Variants in SURF4 observed in about 807,000 individuals in gnomAD.
SURF4 encodes surfeit 4, also known as surfeit locus protein 4.
SURF4 carries 3 observed loss-of-function variants against 30.0 expected under a neutral mutation model. That is an observed-to-expected ratio of 0.10 (90% confidence interval 0.05 to 0.26). The LOEUF (loss-of-function observed/expected upper bound fraction) is 0.26. Among genes scored for constraint, SURF4 ranks in the 10% least tolerant of loss-of-function variants. The pLI, the probability that SURF4 is intolerant of heterozygous loss-of-function variation, is 1.00. For missense variants in SURF4, 217 were observed against 350.8 expected (o/e 0.62, Z 3.05); for synonymous variants, 143 against 139.9 (o/e 1.02, Z -0.16).
intron 1 of SURF4, among the ~76,000 whole-genome samples, chr9:133,369,963 A>C (rs1837403704): frequency 6.6e-6 from 1 of 152,216 alleles, no homozygotes; most frequent in Non-Finnish European, 1.5e-5. Context: ...GTGGACCCCA[A>C]CAGCAGCAGA....
chr9:133,363,954 A>G lies in SURF4; in HGVS notation c.544-195T>C, dbSNP rs587658898. The G allele has an allele frequency of 9.4e-6, 7 of 747,808 alleles. No individual in the cohort carries two copies. The highest frequency in any genetic ancestry group is 1.7e-5 in the Non-Finnish European group (7 of 414,366). 46.3% of individuals were successfully genotyped at this position (747,808 alleles called of 1,614,324 possible). A position where few individuals can be genotyped will look rare whatever the true frequency, so the allele number is the denominator to read the frequency against. On this transcript the variant is annotated intron_variant, in intron 5 of 5. Transcript: ENST00000371989. This position sits in a 1 kb window ranked among gnomAD's most constrained non-coding sequence, Gnocchi z 4.3. ...AGGAGGCAATAAAGCACCAGCTTTG[A>G]AATGTGGAAGGTTTGGGGAAGACTG...
intron 1 of SURF4, among the ~76,000 whole-genome samples, chr9:133,374,845 G>A (rs1288861020): frequency 1.3e-5 from 2 of 151,902 alleles, no homozygotes; most frequent in Non-Finnish European, 2.9e-5. Context: ...CTTCCGATAA[G>A]TCTAGGCCTC....
intron 1 of SURF4, among the ~76,000 whole-genome samples, chr9:133,375,028 G>C (rs1465403171): frequency 1.3e-5 from 2 of 152,216 alleles, no homozygotes; most frequent in Non-Finnish European, 2.9e-5. Flanking sequence ...GACATAACGG[G>C]ATTCTTTTAG....
In SURF4 at chr9:133,365,896, T is replaced by C. The variant is rs2130121151; in HGVS notation, c.356+89A>G. ...GAGCGTCATGTTGGTGCCCAAGATTTTTCCCATTTTGGAGCATTTCAGACT... is the reference window on the plus strand; with the variant it reads ...GAGCGTCATGTTGGTGCCCAAGATTCTTCCCATTTTGGAGCATTTCAGACT... On this transcript the variant is annotated intron_variant, in intron 4 of 5. Coordinates refer to ENST00000371989, the MANE Select transcript of SURF4 (RefSeq NM_033161.4). 3.4e-5 allele frequency: 46 copies of C among 1,367,166 alleles called. No individual in the cohort carries two copies. In the Admixed American group the frequency reaches 6.2e-4, roughly 18 times the overall value. 84.7% of individuals were successfully genotyped at this position (1,367,166 alleles called of 1,614,324 possible). A position where few individuals can be genotyped will look rare whatever the true frequency, so the allele number is the denominator to read the frequency against.
At position 133,361,479 on chromosome 9, in the gene SURF4, T is replaced by A. The variant is rs1458808829; in HGVS notation, c.*2014A>T. On this transcript the variant is annotated 3_prime_UTR_variant, in exon 6 of 6. Transcript: ENST00000371989. ...TCACACTGCATACAACAAACGCCAT[T>A]ATTTATTTTGATGTGTTTCCAAAAA... is the stretch of plus-strand genomic sequence containing the variant. 1 of 192,248 alleles carries A rather than the reference T, an allele frequency of 5.2e-6. No homozygotes were observed. Among genetic ancestry groups the A allele is most frequent in the Non-Finnish European group, 1.1e-5 (1 of 92,120 alleles). 11.9% of individuals were successfully genotyped at this position (192,248 alleles called of 1,614,324 possible).
chr9:133,366,150 TGTA>T (rs1837158117), intron 3 of SURF4, 122 bp from the exon 4 acceptor site: 1 of 955,268 alleles, frequency 1.0e-6, no homozygotes, highest in Non-Finnish European at 1.6e-6. Context: ...ACAAAACCAT[TGTA>T]GGAGACCGAG....
Position 133,363,465 on chromosome 9 carries a change from T to C in SURF4, c.*28A>G, listed in dbSNP as rs2130086666. The C allele has an allele frequency of 2.5e-6, 4 of 1,614,250 alleles. No homozygotes were observed. Among genetic ancestry groups the C allele is most frequent in the Non-Finnish European group, 3.4e-6 (4 of 1,180,042 alleles). On this transcript the variant is annotated 3_prime_UTR_variant, in exon 6 of 6. Coordinates refer to ENST00000371989, the MANE Select transcript of SURF4 (RefSeq NM_033161.4). This position sits in a 1 kb window ranked among gnomAD's most constrained non-coding sequence, Gnocchi z 4.3. ...ACCAGTCCTTGACGGCCACGGGTCT[T>C]AGCCAGGCAGGTAGGGATCTGTGAC...
chr9:133,375,169 A>C, intron 1 of SURF4: 1 of 968,104 alleles, frequency 1.0e-6, no homozygotes, highest in Non-Finnish European at 1.2e-6. Context: ...CTGTCCACCC[A>C]GTTCCCGAAT....
intron 1 of SURF4, among the ~76,000 whole-genome samples, chr9:133,374,700 G>C (rs1483265195): frequency 1.3e-5 from 2 of 152,166 alleles, no homozygotes; most frequent in Non-Finnish European, 2.9e-5. Flanking sequence ...CTCACAGAAA[G>C]TGTTGCAATG....
At chr9:133,374,267 T>C (rs1371756515) in intron 1 of SURF4, among the ~76,000 whole-genome samples, 1 of 152,088 alleles carries the variant, frequency 6.6e-6, no homozygotes, top group Non-Finnish European at 1.5e-5. Flanking sequence ...ATTGTGTCTT[T>C]AAAGGCTGGG....
chr9:133,372,893 G>A lies in SURF4; in HGVS notation c.48+3029C>T, dbSNP rs2130200987. 1.2e-4 allele frequency among the ~76,000 whole-genome samples: 18 copies of A among 152,288 alleles called. 1 individual carries two copies. Among genetic ancestry groups the A allele is most frequent in the African/African-American group, 4.3e-4 (18 of 41,544 alleles). ...GCATCTGTCTGATTGGGGTTTGGGC[G>A]AGTACAAGTAGCTGCCCTCCCAAGC... On this transcript the variant is annotated intron_variant, in intron 1 of 5. Transcript: ENST00000371989.
chr9:133,376,452 C>T, upstream of SURF4: 1 of 1,562,176 alleles, frequency 6.4e-7, no homozygotes, highest in Non-Finnish European at 8.6e-7. Flanking sequence ...GGACGCTCGC[C>T]CGTACGCGGT....
At chr9:133,364,351 G>C (rs1837028649) in intron 5 of SURF4, among the ~76,000 whole-genome samples, 1 of 152,218 alleles carries the variant, frequency 6.6e-6, no homozygotes, top group Non-Finnish European at 1.5e-5. Flanking sequence ...AAGAAGGCTT[G>C]ACACACAAGA....
chr9:133,375,985 C>T lies in SURF4; in HGVS notation c.-16G>A. On this transcript the variant is annotated 5_prime_UTR_variant, in exon 1 of 6. Coordinates refer to ENST00000371989, the MANE Select transcript of SURF4 (RefSeq NM_033161.4). ...TCTGGCCCATGGCGACGGCGGGAGG[C>T]TCGGCTCGGCTCGCTCGCTCGCTCG... 2.4e-6 allele frequency: 3 copies of T among 1,225,048 alleles called. No individual in the cohort carries two copies. Among genetic ancestry groups the T allele is most frequent in the South Asian group, 4.1e-5 (1 of 24,610 alleles). 75.9% of individuals were successfully genotyped at this position (1,225,048 alleles called of 1,614,324 possible). A position where few individuals can be genotyped will look rare whatever the true frequency, so the allele number is the denominator to read the frequency against.
intron 1 of SURF4, chr9:133,371,224 CTTG>C: frequency 4.0e-6 from 3 of 759,112 alleles, no homozygotes; most frequent in Non-Finnish European, 3.2e-6. Context: ...GTCAGATTTC[CTTG>C]ATCACCAAGG....
intron 1 of SURF4, chr9:133,375,458 C>CCT (rs1837836583): frequency 1.0e-6 from 1 of 979,672 alleles, no homozygotes; most frequent in Non-Finnish European, 1.2e-6. Flanking sequence ...CGCCCCCTTT[C>CCT]CTCTGGGAGG....
rs1389010144 is a variant in SURF4 at position 133,376,010 on chromosome 9, G to A, written c.-41C>T. The A allele has an allele frequency of 4.9e-6, 6 of 1,218,866 alleles. No homozygotes were observed. Among genetic ancestry groups the A allele is most frequent in the Non-Finnish European group, 6.1e-6 (6 of 978,078 alleles). The allele number at this position is 1,218,866 out of a possible 1,614,324, so 75.5% of individuals were successfully genotyped here. On this transcript the variant is annotated 5_prime_UTR_variant, in exon 1 of 6. Transcript: ENST00000371989. ...CTCGGCTCGGCTCGCTCGCTCGCTCGCTGGCTCTCGCCCGTCGGCGCCCGC... is the reference window on the plus strand; with the variant it reads ...CTCGGCTCGGCTCGCTCGCTCGCTCACTGGCTCTCGCCCGTCGGCGCCCGC...
At chr9:133,368,940 C>T (rs2130164924) in intron 1 of SURF4, among the ~76,000 whole-genome samples, 2 of 152,336 alleles carry the variant, frequency 1.3e-5, no homozygotes, top group South Asian at 4.1e-4. Context: ...CTGCACAGGC[C>T]TCCTAGGGCT....
At chr9:133,366,407 C>CA (rs1327296821) in intron 3 of SURF4, among the ~76,000 whole-genome samples, 192 bp downstream of exon 3, 1 of 152,126 alleles carries the variant, frequency 6.6e-6, no homozygotes, top group Non-Finnish European at 1.5e-5. Flanking sequence ...AAAGATGGCC[C>CA]AGTACCGAAT....
Sources: allele counts gnomAD v4.1 joint callset (sites outside exome capture counted in the v4.1 genomes callset), GRCh38; gene constraint gnomAD v4.1.1; non-coding constraint Gnocchi (gnomAD v3.1); transcripts MANE v1.5; gene names NCBI Gene and HGNC (gene_info 2026-07-23, HGNC 2026-07-21).